Variants in DCDC2 observed in about 807,000 individuals in gnomAD.
The protein encoded by DCDC2 is doublecortin domain containing 2.
In DCDC2, 40 loss-of-function variants were observed where a neutral mutation model predicts 50.2. The observed-to-expected ratio is 0.80, with a 90% CI of 0.62 to 1.04. The LOEUF is 1.04. DCDC2 is among the 50% of genes least tolerant of loss of function. The probability of loss-of-function intolerance (pLI) is 0.00; values close to 1 mark genes in which losing one functional copy is unlikely to be tolerated. For synonymous variants in DCDC2, 234 were observed against 210.6 expected (o/e 1.11, Z -0.96); for missense variants, 570 against 581.9 (o/e 0.98, Z 0.21).
Position 24,278,050 on chromosome 6 carries a change from A to G in DCDC2, c.921T>C (p.Ser307=), listed in dbSNP as rs1763396836. 6.2e-7 allele frequency: 1 copy of G among 1,607,102 alleles called. No individual in the cohort carries two copies. The part of the protein sequence containing the change: ...LKNSQETIPN[S]DEGIFKAGAE... ...TTAAGATAATAATAACACACTTACC[A>G]CTATTTGGAATGGTTTCTTGTGAAT... Residue 307 remains serine (S), a splice_region_variant and synonymous_variant, in exon 7 of 10, where the codon AGT becomes AGC. Coordinates refer to ENST00000378454, the MANE Select transcript of DCDC2 (RefSeq NM_016356.5).
At chr6:24,227,485 A>G (rs1367829631) in intron 7 of DCDC2, among the ~76,000 whole-genome samples, 2 of 152,186 alleles carry the variant, frequency 1.3e-5, no homozygotes, top group Non-Finnish European at 2.9e-5. Context: ...GAGGAATGAG[A>G]GACGAAGCCA....
At chr6:24,297,829 T>TAC (rs1388386990) in intron 4 of DCDC2, among the ~76,000 whole-genome samples, 215 of 152,318 alleles carry the variant, frequency 1.4e-3, no homozygotes, top group African/African-American at 4.9e-3. Context: ...ATTCTTATAA[T>TAC]CTTGGAGTAA....
intron 8 of DCDC2, among the ~76,000 whole-genome samples, chr6:24,185,029 C>T (rs1053596603): frequency 6.6e-6 from 1 of 152,190 alleles, no homozygotes; most frequent in African/African-American, 2.4e-5. Flanking sequence ...AAGAAAATGT[C>T]TATTTTCCTC....
intron 6 of DCDC2, among the ~76,000 whole-genome samples, chr6:24,288,256 C>T (rs1763660114): frequency 6.6e-6 from 1 of 152,218 alleles, no homozygotes; most frequent in Admixed American, 6.5e-5. Flanking sequence ...AGGCAACGCT[C>T]TGGCATGACA....
At chr6:24,273,803 G>A (rs77567986) in intron 7 of DCDC2, among the ~76,000 whole-genome samples, 2,676 of 152,298 alleles carry the variant, frequency 0.018, 40 homozygotes, top group Middle Eastern at 0.044. Flanking sequence ...CCATGTGCAG[G>A]TTGTAGCTAT....
chr6:24,251,889 A>G (rs769352416), intron 7 of DCDC2, among the ~76,000 whole-genome samples: 18 of 152,288 alleles, frequency 1.2e-4, no homozygotes, highest in South Asian at 2.1e-4. Flanking sequence ...AAAATGTTAC[A>G]TTCACCACAT....
chr6:24,348,816 C>T (rs1760312628), intron 2 of DCDC2, among the ~76,000 whole-genome samples: 1 of 152,166 alleles, frequency 6.6e-6, no homozygotes, highest in Admixed American at 6.5e-5. Context: ...ATAATCATAG[C>T]TAGTTTACTT....
At chr6:24,354,338 T>C (rs1760427118) in intron 1 of DCDC2, among the ~76,000 whole-genome samples, 1 of 152,146 alleles carries the variant, frequency 6.6e-6, no homozygotes, top group Non-Finnish European at 1.5e-5. Context: ...TAAAATGTGC[T>C]AAATAAACAT....
chr6:24,321,602 C>A (rs1301508769), intron 2 of DCDC2, among the ~76,000 whole-genome samples: 1 of 152,174 alleles, frequency 6.6e-6, no homozygotes, highest in African/African-American at 2.4e-5. Flanking sequence ...TCTGTGAAAT[C>A]TGCATAATTA....
At chr6:24,302,958 A>G (rs1277487129) in intron 2 of DCDC2, among the ~76,000 whole-genome samples, 1 of 151,814 alleles carries the variant, frequency 6.6e-6, no homozygotes, top group Non-Finnish European at 1.5e-5. Flanking sequence ...AAGCCCCTCA[A>G]CTTTCCTTCC....
chr6:24,252,530 G>A (rs1046664531), intron 7 of DCDC2, among the ~76,000 whole-genome samples: 4 of 152,206 alleles, frequency 2.6e-5, no homozygotes, highest in Non-Finnish European at 5.9e-5. Context: ...ATGAAATCAT[G>A]TGAAAACATG....
chr6:24,282,000 A>C (rs966204626), intron 6 of DCDC2, among the ~76,000 whole-genome samples: 5 of 152,190 alleles, frequency 3.3e-5, no homozygotes, highest in African/African-American at 1.2e-4. Context: ...TGGTTCCCTA[A>C]AACAGCCATC....
intron 1 of DCDC2, among the ~76,000 whole-genome samples, chr6:24,356,316 T>C (rs1760465570): frequency 6.6e-6 from 1 of 152,178 alleles, no homozygotes; most frequent in African/African-American, 2.4e-5. Context: ...ATAAAGACCA[T>C]ATACCGTATG....
At chr6:24,277,155 T>A (rs1423349386) in intron 7 of DCDC2, among the ~76,000 whole-genome samples, 1 of 152,176 alleles carries the variant, frequency 6.6e-6, no homozygotes, top group Non-Finnish European at 1.5e-5. Flanking sequence ...ACTCTTCATA[T>A]CGACTTTGAA....
At chr6:24,230,227 G>T (rs1762310832) in intron 7 of DCDC2, among the ~76,000 whole-genome samples, 1 of 152,156 alleles carries the variant, frequency 6.6e-6, no homozygotes, top group South Asian at 2.1e-4. Context: ...CTTACATTTG[G>T]GAAGGAGGCG....
chr6:24,327,566 C>T (rs1288808856), intron 2 of DCDC2, among the ~76,000 whole-genome samples: 1 of 130,696 alleles, frequency 7.7e-6, no homozygotes, highest in African/African-American at 2.5e-5. Context: ...CTCCGCCTCC[C>T]GGGTTCAAGC....
chr6:24,209,616 G>A lies in DCDC2; in HGVS notation c.923-4514C>T, dbSNP rs572394201. ...AGTTCTGCACACATTCAGGAGTTCT[G>A]AGTCCCCTTTTACTGAGCATTAGTA... On this transcript the variant is annotated intron_variant, in intron 7 of 9. Transcript: ENST00000378454. Among the ~76,000 whole-genome samples, 31 of 152,258 alleles carry A rather than the reference G, an allele frequency of 2.0e-4. No individual in the cohort carries two copies. The South Asian group carries it at 6.0e-3, about 30-fold the overall frequency.
intron 7 of DCDC2, among the ~76,000 whole-genome samples, chr6:24,232,776 GCT>G (rs1762363620): frequency 6.6e-6 from 1 of 151,992 alleles, no homozygotes; most frequent in Non-Finnish European, 1.5e-5. Context: ...GAAGGTCAGT[GCT>G]CAATAAATAA....
chr6:24,292,131 AAC>A (rs1763765772), intron 4 of DCDC2, among the ~76,000 whole-genome samples: 1 of 152,232 alleles, frequency 6.6e-6, no homozygotes, highest in South Asian at 2.1e-4. Context: ...TTATTAAAAG[AAC>A]AGTCATAATT....
Sources: allele counts gnomAD v4.1 joint callset (sites outside exome capture counted in the v4.1 genomes callset), GRCh38; gene constraint gnomAD v4.1.1; transcripts MANE v1.5; gene names NCBI Gene and HGNC (gene_info 2026-07-23, HGNC 2026-07-21).